Variants in KYNU observed in about 807,000 individuals in gnomAD.
KYNU encodes the protein kynureninase.
KYNU carries 54 observed loss-of-function variants against 59.2 expected under a neutral mutation model. The observed-to-expected ratio is 0.91, with a 90% CI of 0.73 to 1.14. KYNU has a LOEUF of 1.14. Among genes scored for constraint, KYNU ranks in the 50% most tolerant of loss-of-function variants. The pLI is 0.00. For missense variants in KYNU, 567 were observed against 554.4 expected (o/e 1.02, Z -0.23); for synonymous variants, 177 against 192.0 (o/e 0.92, Z 0.65).
intron 10 of KYNU, chr2:142,988,810 A>G (rs944905698): frequency 6.9e-7 from 1 of 1,448,122 alleles, no homozygotes; most frequent in African/African-American, 1.4e-5. Context: ...TCTATTCTGT[A>G]CCAAGTATCT....
intron 4 of KYNU, among the ~76,000 whole-genome samples, chr2:142,943,499 T>C (rs1683667788): frequency 1.3e-5 from 2 of 152,154 alleles, no homozygotes; most frequent in Admixed American, 1.3e-4. Flanking sequence ...AAACATTTTA[T>C]AGAGAGCCAA....
rs2104934375 is a variant in KYNU, at chr2:143,050,007, T to G, written c.*7835T>G. 6.8e-6 allele frequency: 1 copy of G among 148,138 alleles called. No homozygotes were observed. Among genetic ancestry groups the G allele is most frequent in the Non-Finnish European group, 1.5e-5 (1 of 67,136 alleles). 9.2% of individuals were successfully genotyped at this position (148,138 alleles called of 1,614,324 possible). ...ATCACATAAGTAGGATTTACCTGAA[T>G]ATATATATAATATATAAACATATAT... On this transcript the variant is annotated 3_prime_UTR_variant, in exon 14 of 14. Coordinates refer to ENST00000264170, the MANE Select transcript of KYNU (RefSeq NM_003937.3).
intron 10 of KYNU, among the ~76,000 whole-genome samples, chr2:143,013,013 C>G (rs1158622669): frequency 6.6e-6 from 1 of 152,006 alleles, no homozygotes; most frequent in Non-Finnish European, 1.5e-5. Flanking sequence ...GAGACAAAGT[C>G]TCACTATGTT....
At chr2:142,965,601 G>T (rs769485110) in intron 8 of KYNU, among the ~76,000 whole-genome samples, 1 of 152,174 alleles carries the variant, frequency 6.6e-6, no homozygotes, top group Non-Finnish European at 1.5e-5. Context: ...AGAGAAGGAA[G>T]AAGGGAGAAG....
rs989085841 is a variant in KYNU at position 143,054,611 on chromosome 2, C to T, written c.*12439C>T. On this transcript the variant is annotated 3_prime_UTR_variant, in exon 14 of 14. Transcript: ENST00000264170. ...GTGATGAATATGAAGTAGACTGCAC[C>T]ACTCTGCAGTACAGTCAGGAAATAA... is the stretch of plus-strand genomic sequence containing the variant. The T allele has an allele frequency of 6.6e-6, 1 of 152,086 alleles. No homozygotes were observed. The highest frequency in any genetic ancestry group is 1.5e-5 in the Non-Finnish European group (1 of 68,016). The allele number at this position is 152,086 out of a possible 1,614,324, so 9.4% of individuals were successfully genotyped here. A position where few individuals can be genotyped will look rare whatever the true frequency, so the allele number is the denominator to read the frequency against.
intron 6 of KYNU, 83 bp downstream of exon 6, chr2:142,956,357 C>G (rs944480490): frequency 1.2e-6 from 1 of 835,234 alleles, no homozygotes; most frequent in African/African-American, 1.7e-5. Context: ...AATGTTTACT[C>G]ACTAGGCTTT....
At chr2:143,017,634 C>T (rs983445057) in intron 10 of KYNU, among the ~76,000 whole-genome samples, 2 of 151,806 alleles carry the variant, frequency 1.3e-5, no homozygotes, top group Non-Finnish European at 2.9e-5. Context: ...GACATGGTTT[C>T]ACCATGTTGG....
At chr2:142,999,308 T>A (rs1685642128) in intron 10 of KYNU, among the ~76,000 whole-genome samples, 1 of 152,166 alleles carries the variant, frequency 6.6e-6, no homozygotes, top group Non-Finnish European at 1.5e-5. Flanking sequence ...TATTATAATG[T>A]GGATAATGAT....
rs1687102371 is a variant in KYNU at position 143,043,083 on chromosome 2, T to A, written c.*911T>A. 1 of 152,022 alleles carries A rather than the reference T, an allele frequency of 6.6e-6. No individual in the cohort carries two copies. The highest frequency in any genetic ancestry group is 1.5e-5 in the Non-Finnish European group (1 of 67,926). 9.4% of individuals were successfully genotyped at this position (152,022 alleles called of 1,614,324 possible). On this transcript the variant is annotated 3_prime_UTR_variant, in exon 14 of 14. Coordinates refer to ENST00000264170, the MANE Select transcript of KYNU (RefSeq NM_003937.3). ...CACTCATGGGCCCTAATTCACACTT[T>A]TTAAGAATGTTTCTTTCTTTAATGT...
intron 8 of KYNU, among the ~76,000 whole-genome samples, chr2:142,983,862 G>A (rs1685120689): frequency 6.6e-6 from 1 of 152,002 alleles, no homozygotes; most frequent in South Asian, 2.1e-4. Flanking sequence ...AATCGTATTA[G>A]CACCTGACTT....
chr2:143,020,145 A>T (rs749513833), intron 10 of KYNU, among the ~76,000 whole-genome samples: 1 of 150,942 alleles, frequency 6.6e-6, no homozygotes, highest in East Asian at 1.9e-4. Flanking sequence ...TCTTTATTCT[A>T]TCCTTCCTTC....
chr2:142,985,029 T>C, intron 8 of KYNU, 55 bp from the exon 9 acceptor site: 1 of 1,004,898 alleles, frequency 1.0e-6, no homozygotes. Context: ...ATATTTGTAC[T>C]TATTATTTCT....
intron 4 of KYNU, among the ~76,000 whole-genome samples, chr2:142,929,927 C>T (rs1052561786): frequency 1.3e-5 from 2 of 152,152 alleles, no homozygotes; most frequent in African/African-American, 4.8e-5. Flanking sequence ...TTCATCTCTT[C>T]AGGATTGGAA....
intron 10 of KYNU, among the ~76,000 whole-genome samples, chr2:143,003,446 G>A (rs1388722391): frequency 6.6e-6 from 1 of 151,938 alleles, no homozygotes; most frequent in Non-Finnish European, 1.5e-5. Flanking sequence ...AGCCAGGTGT[G>A]GTGGCGGGCA....
intron 2 of KYNU, among the ~76,000 whole-genome samples, chr2:142,888,797 C>A (rs754140738): frequency 6.6e-6 from 1 of 150,474 alleles, no homozygotes; most frequent in African/African-American, 2.5e-5. Flanking sequence ...TTACCCTACT[C>A]GAGACACTTC....
At chr2:143,032,711 T>TTGTATGTGTG (rs145787098) in intron 11 of KYNU, among the ~76,000 whole-genome samples, 2 of 129,370 alleles carry the variant, frequency 1.5e-5, no homozygotes, top group African/African-American at 5.8e-5. Context: ...GCTCCCTCTA[T>TTGTATGTGTG]TGTGTGTGTG....
chr2:143,000,756 A>T (rs1685687244), intron 10 of KYNU, among the ~76,000 whole-genome samples: 1 of 152,180 alleles, frequency 6.6e-6, no homozygotes, highest in Non-Finnish European at 1.5e-5. Context: ...TACAGCAGGT[A>T]GTTTCAGCAG....
intron 4 of KYNU, among the ~76,000 whole-genome samples, chr2:142,932,838 A>G (rs1257570944): frequency 6.6e-6 from 1 of 152,128 alleles, no homozygotes; most frequent in Non-Finnish European, 1.5e-5. Context: ...TCTACAAACC[A>G]AGTAAAGAAG....
At chr2:142,888,319 G>A (rs767976760) in intron 2 of KYNU, among the ~76,000 whole-genome samples, 10 of 152,046 alleles carry the variant, frequency 6.6e-5, no homozygotes, top group Non-Finnish European at 1.3e-4. Flanking sequence ...TTAATTAGGC[G>A]TGATGGCATG....
Sources: allele counts gnomAD v4.1 joint callset (sites outside exome capture counted in the v4.1 genomes callset), GRCh38; gene constraint gnomAD v4.1.1; transcripts MANE v1.5; gene names NCBI Gene and HGNC (gene_info 2026-07-23, HGNC 2026-07-21).